The following STK38 variants were observed in gnomAD, a reference collection of about 807,000 sequenced individuals.
The protein encoded by STK38 is serine/threonine-protein kinase 38.
STK38 carries 26 observed loss-of-function variants against 59.0 expected under a neutral mutation model. That is an observed-to-expected ratio of 0.44 (90% CI 0.32 to 0.61). The LOEUF (loss-of-function observed/expected upper bound fraction) is 0.61, where lower values mean the gene tolerates loss of function less well. STK38 is among the 20% of genes least tolerant of loss of function. The probability of loss-of-function intolerance (pLI) is 0.04; values close to 1 mark genes in which losing one functional copy is unlikely to be tolerated. For synonymous variants in STK38, 175 were observed against 176.6 expected (o/e 0.99, Z 0.07); for missense variants, 433 against 566.0 (o/e 0.76, Z 2.38).
rs144930155 is a variant in STK38, at chr6:36,533,926, A to G, written c.131+6146T>C. ...CAGACACTTGTTTACTCCAGTGAACAGCAGCTAGCCACCACCAAGCATAAA... is the reference window on the plus strand; with the variant it reads ...CAGACACTTGTTTACTCCAGTGAACGGCAGCTAGCCACCACCAAGCATAAA... On this transcript the variant is annotated intron_variant, in intron 2 of 13. Transcript: ENST00000229812. 2.4e-3 allele frequency among the ~76,000 whole-genome samples: 364 copies of G among 152,378 alleles called. 1 individual carries two copies. Among genetic ancestry groups the G allele is most frequent in the African/African-American group, 8.4e-3 (348 of 41,588 alleles).
At chr6:36,507,275 G>GACCT (rs1371359520) in intron 8 of STK38, among the ~76,000 whole-genome samples, 1 of 151,882 alleles carries the variant, frequency 6.6e-6, no homozygotes, top group East Asian at 1.9e-4. Context: ...CTTCCCAGTA[G>GACCT]ACCTCTAAAG....
intron 9 of STK38, among the ~76,000 whole-genome samples, chr6:36,503,248 T>C (rs1776881910): frequency 6.6e-6 from 1 of 152,198 alleles, no homozygotes; most frequent in Non-Finnish European, 1.5e-5. Flanking sequence ...CTTAAAGTAA[T>C]AAAATAAACC....
chr6:36,498,502 AACTTCGGAGCTTTTAC>A lies in STK38; in HGVS notation c.953-32_953-17del. 1 of 1,606,512 alleles carries A rather than the reference AACTTCGGAGCTTTTAC, an allele frequency of 6.2e-7. No individual in the cohort carries two copies. The highest frequency in any genetic ancestry group is 8.5e-7 in the Non-Finnish European group (1 of 1,178,258). The stretch of plus-strand genomic sequence containing the variant: ...GGTGGGTAGCCTGTAATAAAAAAGG[AACTTCGGAGCTTTTAC>A]ACTCCAGAACTTTGAATCTGACCGA... On this transcript the variant is annotated splice_polypyrimidine_tract_variant and intron_variant, in intron 10 of 13. Coordinates refer to ENST00000229812, the MANE Select transcript of STK38 (RefSeq NM_007271.4).
intron 3 of STK38, among the ~76,000 whole-genome samples, chr6:36,524,886 C>T (rs574009399): frequency 2.6e-5 from 4 of 152,168 alleles, no homozygotes; most frequent in Non-Finnish European, 4.4e-5. Context: ...TTTTCACCAC[C>T]GTCCTGGGTT....
intron 2 of STK38, among the ~76,000 whole-genome samples, chr6:36,538,196 C>G (rs986563612): frequency 6.0e-5 from 9 of 150,440 alleles, no homozygotes; most frequent in African/African-American, 2.2e-4. Flanking sequence ...CCCAGCTACT[C>G]GGGAGGCTAA....
At position 36,497,798 on chromosome 6, in the gene STK38, A is replaced by G. The variant is rs1189490167; in HGVS notation, c.1154T>C (p.Val385Ala). Residue 385 changes from valine (V) to alanine (A), a missense_variant, in exon 12 of 14, where the codon GTT becomes GCT. Transcript: ENST00000229812. ...EIKSNSFFEGVDWEHIRERPA... is the reference protein window; with the variant it reads ...EIKSNSFFEGADWEHIRERPA... ...GATATACCTGATATGTTCCCAGTCAACGCCTTCAAAAAAAGAGTTACTTTT... is the reference window on the plus strand; with the variant it reads ...GATATACCTGATATGTTCCCAGTCAGCGCCTTCAAAAAAAGAGTTACTTTT... The G allele has an allele frequency of 1.9e-6, 3 of 1,613,232 alleles. No individual in the cohort carries two copies. The highest frequency in any genetic ancestry group is 2.5e-6 in the Non-Finnish European group (3 of 1,179,646).
intron 2 of STK38, among the ~76,000 whole-genome samples, chr6:36,529,717 C>T (rs1233849218): frequency 6.6e-6 from 1 of 152,170 alleles, no homozygotes; most frequent in African/African-American, 2.4e-5. Context: ...TACACAGCTA[C>T]TTTCTAAATG....
At chr6:36,523,447 G>C (rs557135863) in intron 4 of STK38, among the ~76,000 whole-genome samples, 5 of 151,922 alleles carry the variant, frequency 3.3e-5, no homozygotes, top group Admixed American at 6.6e-5. Flanking sequence ...ATTTTTAGTA[G>C]AGACAAGGTT....
At position 36,499,063 on chromosome 6, in the gene STK38, T is replaced by C. The variant is rs900134634; in HGVS notation, c.953-577A>G. On this transcript the variant is annotated intron_variant, in intron 10 of 13. Coordinates refer to ENST00000229812, the MANE Select transcript of STK38 (RefSeq NM_007271.4). ...CTGGTACCACTAGGAAGTCAGCTAA[T>C]AGGTAGAGCTGGGAAAAGAAAGGAG... Among the ~76,000 whole-genome samples, 9 of 152,014 alleles carry C rather than the reference T, an allele frequency of 5.9e-5. No homozygotes were observed. The South Asian group carries it at 6.2e-4, about 10-fold the overall frequency.
chr6:36,517,572 C>G (rs1175410387), intron 6 of STK38, 145 bp downstream of exon 6: 6 of 1,000,296 alleles, frequency 6.0e-6, no homozygotes, highest in Non-Finnish European at 8.5e-6. Flanking sequence ...AGACAGGTTA[C>G]TGACTTCCTT....
At chr6:36,506,231 CTAAGTAGGT>C (rs992463351) in intron 9 of STK38, among the ~76,000 whole-genome samples, 2 of 152,118 alleles carry the variant, frequency 1.3e-5, no homozygotes, top group African/African-American at 4.8e-5. Flanking sequence ...CCTGAAAACT[CTAAGTAGGT>C]ATTTGTACTT....
intron 4 of STK38, among the ~76,000 whole-genome samples, chr6:36,523,258 G>GTTTTTTTTTT (rs1264389755): frequency 6.8e-6 from 1 of 147,342 alleles, no homozygotes. Context: ...GGGGTACCAG[G>GTTTTTTTTTT]TTTTTTGTTT....
intron 1 of STK38, among the ~76,000 whole-genome samples, chr6:36,541,043 C>T (rs1037811649): frequency 1.3e-5 from 2 of 151,910 alleles, no homozygotes; most frequent in African/African-American, 2.4e-5. Context: ...GGACTACAGG[C>T]GCCCACCAAT....
intron 7 of STK38, among the ~76,000 whole-genome samples, chr6:36,512,386 C>G (rs1468459043): frequency 6.6e-6 from 1 of 152,194 alleles, no homozygotes. Context: ...ACATAGACTA[C>G]AGGGGACAAA....
chr6:36,500,310 T>C (rs1316380801), intron 9 of STK38, among the ~76,000 whole-genome samples: 1 of 151,252 alleles, frequency 6.6e-6, no homozygotes, highest in Admixed American at 6.6e-5. Context: ...ACATGAGTTT[T>C]ATATATATAT....
intron 4 of STK38, chr6:36,522,104 A>G (rs1777390092): frequency 4.4e-6 from 1 of 229,000 alleles, no homozygotes; most frequent in African/African-American, 2.3e-5. Flanking sequence ...AAATTTAAGG[A>G]CTCGTTACAC....
chr6:36,545,478 T>C (rs960672307), intron 1 of STK38, among the ~76,000 whole-genome samples: 1 of 152,134 alleles, frequency 6.6e-6, no homozygotes, highest in Non-Finnish European at 1.5e-5. Context: ...GCAGAGTGTT[T>C]TTCAACTTTT....
Position 36,515,612 on chromosome 6 carries a change from C to T in STK38, c.515-120G>A, listed in dbSNP as rs1444243504. 5.2e-6 allele frequency: 8 copies of T among 1,526,148 alleles called. No individual in the cohort carries two copies. In the East Asian group the frequency reaches 9.4e-5, roughly 18 times the overall value. 94.5% of individuals were successfully genotyped at this position (1,526,148 alleles called of 1,614,324 possible). A position where few individuals can be genotyped will look rare whatever the true frequency, so the allele number is the denominator to read the frequency against. ...GTCTTCCCTATCTGCCAAAATAAGG[C>T]GGCTAAACAGACCTCTTCTGTGTGC... is the stretch of plus-strand genomic sequence containing the variant. On this transcript the variant is annotated intron_variant, in intron 6 of 13. Transcript: ENST00000229812.
intron 2 of STK38, among the ~76,000 whole-genome samples, chr6:36,527,939 A>T (rs1187800762): frequency 1.4e-5 from 2 of 138,582 alleles, no homozygotes; most frequent in Non-Finnish European, 3.0e-5. Context: ...CTCTACTAAA[A>T]ATACAAAAAA....
Sources: allele counts gnomAD v4.1 joint callset (sites outside exome capture counted in the v4.1 genomes callset), GRCh38; gene constraint gnomAD v4.1.1; transcripts MANE v1.5; gene names NCBI Gene and HGNC (gene_info 2026-07-23, HGNC 2026-07-21).